The following DCHS2 variants were observed in gnomAD, a reference collection of about 807,000 sequenced individuals.
The protein encoded by DCHS2 is dachsous cadherin-related 2.
DCHS2 carries 142 observed loss-of-function variants against 182.4 expected under a neutral mutation model. The ratio of observed to expected loss-of-function variants is 0.78; its 90% confidence interval spans 0.68 to 0.89. The LOEUF (loss-of-function observed/expected upper bound fraction) is 0.89, where lower values mean the gene tolerates loss of function less well. DCHS2 is among the 40% of genes least tolerant of loss of function. DCHS2 has a pLI of 0.00. For synonymous variants in DCHS2, 1,740 were observed against 1,663.3 expected, an observed-to-expected ratio of 1.05 and a Z score of -1.12; for missense variants, 4,319 against 4,198.6, an observed-to-expected ratio of 1.03 and a Z score of -0.79.
At chr4:154,428,710 G>A (rs1733434419) in intron 1 of DCHS2, among the ~76,000 whole-genome samples, 1 of 151,948 alleles carries the variant, frequency 6.6e-6, no homozygotes, top group Non-Finnish European at 1.5e-5. Flanking sequence ...AGACCAGCCT[G>A]ACCAACATGG....
At chr4:154,419,419 G>A (rs1733004172) in intron 1 of DCHS2, among the ~76,000 whole-genome samples, 1 of 152,054 alleles carries the variant, frequency 6.6e-6, no homozygotes, top group Admixed American at 6.6e-5. Context: ...GTGAGGCTGA[G>A]GCGGGTGGAT....
chr4:154,484,110 C>T (rs190519801), intron 1 of DCHS2, among the ~76,000 whole-genome samples: 1 of 152,278 alleles, frequency 6.6e-6, no homozygotes, highest in Non-Finnish European at 1.5e-5. Flanking sequence ...AGATGGAAAA[C>T]ATGGTGTTAT....
At chr4:154,435,934 A>G (rs1163627282) in intron 1 of DCHS2, among the ~76,000 whole-genome samples, 3 of 152,232 alleles carry the variant, frequency 2.0e-5, no homozygotes, top group Non-Finnish European at 1.5e-5. Flanking sequence ...GGAAAGTAGG[A>G]TAGCTAAGTG....
chr4:154,416,495 C>T (rs1403659504), intron 1 of DCHS2, among the ~76,000 whole-genome samples: 1 of 152,176 alleles, frequency 6.6e-6, no homozygotes, highest in Non-Finnish European at 1.5e-5. Context: ...AATCTTCAGG[C>T]TCCCTGAGTC....
chr4:154,408,887 A>G (rs888745900), intron 1 of DCHS2, among the ~76,000 whole-genome samples: 36 of 152,176 alleles, frequency 2.4e-4, no homozygotes, highest in African/African-American at 7.7e-4. Flanking sequence ...ACCACTGGGA[A>G]CATCTGAGGT....
At position 154,315,915 on chromosome 4, in the gene DCHS2, T is replaced by A; in HGVS notation, c.5093A>T (p.Asp1698Val). The A allele has an allele frequency of 1.2e-6, 2 of 1,614,010 alleles. No individual in the cohort carries two copies. The highest frequency in any genetic ancestry group is 1.7e-6 in the Non-Finnish European group (2 of 1,179,970). The change falls in exon 10 of 20, where the codon GAT (aspartate) becomes GTT (valine). Residue 1698 changes from aspartate (D) to valine (V), a missense_variant. Asp to Val is a radical substitution (Grantham distance 152, BLOSUM62 -3). Transcript: ENST00000357232. Reference protein sequence around the residue: ...TQHILTVLALDDGTPALSSSQ... With the variant: ...TQHILTVLALVDGTPALSSSQ... ...TGAAGAAAGTGCTGGTGTGCCATCA[T>A]CCAGTGCCAGAACAGTCAGAATATG...
intron 13 of DCHS2, among the ~76,000 whole-genome samples, chr4:154,279,937 T>C (rs1734050217): frequency 6.6e-6 from 1 of 151,898 alleles, no homozygotes; most frequent in Non-Finnish European, 1.5e-5. Flanking sequence ...ACTAAGTTAT[T>C]TTTTTGAAAA....
chr4:154,355,626 C>T (rs1729825141), intron 3 of DCHS2: 1 of 152,206 alleles, frequency 6.6e-6, no homozygotes, highest in African/African-American at 2.4e-5. Context: ...AGAACCCTCT[C>T]TTGGGGTCTA....
intron 14 of DCHS2, among the ~76,000 whole-genome samples, chr4:154,266,134 GT>G (rs1400293246): frequency 1.3e-5 from 2 of 152,128 alleles, no homozygotes; most frequent in Non-Finnish European, 2.9e-5. Flanking sequence ...ACATGATAAG[GT>G]AAAGTGAGGT....
At chr4:154,329,097 A>G (rs769785248) in intron 6 of DCHS2, among the ~76,000 whole-genome samples, 26 of 152,212 alleles carry the variant, frequency 1.7e-4, no homozygotes, top group Non-Finnish European at 2.6e-4. Flanking sequence ...AACTTTTACT[A>G]TCTCTGGATT....
Position 154,292,180 on chromosome 4 carries a change from T to G in DCHS2, c.6463+5671A>C, listed in dbSNP as rs375392881. Among the ~76,000 whole-genome samples the G allele has an allele frequency of 4.7e-4, 72 of 152,306 alleles. No individual in the cohort carries two copies. In the South Asian group the frequency reaches 0.012, roughly 26 times the overall value. ...TGAAAGTTTCTTGTAAATTTTCCAG[T>G]GCTATAAATCACAAATACCCAAACC... is the stretch of plus-strand genomic sequence containing the variant. On this transcript the variant is annotated intron_variant, in intron 13 of 19. Coordinates refer to ENST00000357232, the MANE Select transcript of DCHS2 (RefSeq NM_001358235.2).
At chr4:154,322,755 C>T (rs1251991360) in intron 7 of DCHS2, 1 of 352,686 alleles carries the variant, frequency 2.8e-6, no homozygotes, top group Non-Finnish European at 5.0e-6. Context: ...CAGCTCATGG[C>T]CAATCTTATT....
At chr4:154,419,061 G>A (rs1318936389) in intron 1 of DCHS2, among the ~76,000 whole-genome samples, 1 of 151,244 alleles carries the variant, frequency 6.6e-6, no homozygotes, top group African/African-American at 2.5e-5. Flanking sequence ...GAATGTAATA[G>A]CTACAAAAAT....
intron 1 of DCHS2, among the ~76,000 whole-genome samples, chr4:154,433,394 C>CTT (rs1553951910): frequency 4.1e-5 from 2 of 48,826 alleles, no homozygotes; most frequent in Non-Finnish European, 1.2e-4. Flanking sequence ...TTTTTTTTTT[C>CTT]CTTTTTTTTT....
At chr4:154,460,169 AT>A (rs1302785757) in intron 1 of DCHS2, among the ~76,000 whole-genome samples, 6 of 152,226 alleles carry the variant, frequency 3.9e-5, no homozygotes, top group Non-Finnish European at 7.3e-5. Flanking sequence ...GTCTCCAATG[AT>A]TTAATTAGAG....
intron 1 of DCHS2, among the ~76,000 whole-genome samples, chr4:154,393,582 T>A (rs1255977748): frequency 5.3e-5 from 8 of 152,212 alleles, no homozygotes; most frequent in Non-Finnish European, 1.0e-4. Context: ...AAAGGTACTT[T>A]TAAGCCAAAA....
chr4:154,358,100 G>A (rs1729956292), intron 3 of DCHS2, among the ~76,000 whole-genome samples: 1 of 152,114 alleles, frequency 6.6e-6, no homozygotes, highest in African/African-American at 2.4e-5. Context: ...GATCTCCTTT[G>A]TAAATCTTGC....
chr4:154,381,473 A>G (rs1561079871), intron 1 of DCHS2, among the ~76,000 whole-genome samples: 1 of 152,136 alleles, frequency 6.6e-6, no homozygotes, highest in African/African-American at 2.4e-5. Flanking sequence ...AAAAGCATCC[A>G]AATAGGAAAA....
In DCHS2 at chr4:154,414,355, A is replaced by G. The variant is rs114056851; in HGVS notation, c.2053-36911T>C. On this transcript the variant is annotated intron_variant, in intron 1 of 19. Transcript: ENST00000357232. ...TAAATCTAGCATTTCTTTAAACCCA[A>G]TCAAAACACAAAATGCTTAACACTA... Among the ~76,000 whole-genome samples the G allele has an allele frequency of 4.1e-3, 620 of 152,208 alleles. 5 individuals are homozygous for G. The highest frequency in any genetic ancestry group is 0.014 in the African/African-American group (590 of 41,562).
Sources: allele counts gnomAD v4.1 joint callset (sites outside exome capture counted in the v4.1 genomes callset), GRCh38; gene constraint gnomAD v4.1.1; transcripts MANE v1.5; gene names NCBI Gene and HGNC (gene_info 2026-07-23, HGNC 2026-07-21).